The following SART3 variants were observed in gnomAD, a reference collection of about 807,000 sequenced individuals.
SART3 encodes the protein spliceosome associated factor 3, U4/U6 recycling protein.
SART3 carries 44 observed loss-of-function variants against 122.3 expected under a neutral mutation model. That is an observed-to-expected ratio of 0.36 (90% CI 0.28 to 0.46). The LOEUF (loss-of-function observed/expected upper bound fraction) is 0.46, where lower values mean the gene tolerates loss of function less well. Ranked by LOEUF, SART3 falls within the 20% of genes least tolerant of loss-of-function variation. The pLI, the probability that SART3 is intolerant of heterozygous loss-of-function variation, is 1.00. For synonymous variants in SART3, 442 were observed against 454.0 expected (o/e 0.97, Z 0.34); for missense variants, 1,101 against 1,229.0 (o/e 0.90, Z 1.56).
In SART3 at chr12:108,538,257, T is replaced by A. The variant is rs1873002276; in HGVS notation, c.1063-54A>T. On this transcript the variant is annotated intron_variant, in intron 7 of 18. Coordinates refer to ENST00000546815, the MANE Select transcript of SART3 (RefSeq NM_014706.4). ...ATTACACTTTATTAAGCATTCACCA[T>A]CAACAAGACATTGCCAGCACGACCA... The A allele has an allele frequency of 1.9e-6, 3 of 1,597,476 alleles. No homozygotes were observed. In the African/African-American group the frequency reaches 4.0e-5, roughly 21 times the overall value.
chr12:108,552,542 C>CA (rs202116633), intron 1 of SART3, among the ~76,000 whole-genome samples: 30,738 of 130,578 alleles, frequency 0.24, 3,689 homozygotes, highest in Admixed American at 0.37. Flanking sequence ...CATACAAAAA[C>CA]AAAAAAAAAA....
chr12:108,532,133 C>A, intron 13 of SART3, 89 bp downstream of exon 13: 1 of 1,125,840 alleles, frequency 8.9e-7, no homozygotes, highest in South Asian at 1.3e-5. Context: ...TAAACACAGT[C>A]TGTCCCCAGA....
intron 13 of SART3, chr12:108,531,856 G>A (rs910808151): frequency 2.1e-5 from 7 of 339,116 alleles, no homozygotes; most frequent in African/African-American, 1.5e-4. Context: ...CCCATCAAGA[G>A]ACATTTGGCA....
Position 108,560,965 on chromosome 12 carries a change from C to G in SART3, c.190G>C (p.Glu64Gln). 1.2e-6 allele frequency: 2 copies of G among 1,614,096 alleles called. No individual in the cohort carries two copies. The highest frequency in any genetic ancestry group is 2.7e-5 in the African/African-American group (2 of 75,058). ...AWDQQEEGVS[E>Q]SDGDEYAMAS... ...ATGGCGTACTCATCCCCATCGCTCT[C>G]GCTCACGCCTTCCTCCTGCTGATCC... Residue 64 changes from glutamate to glutamine, a missense_variant, in exon 1 of 19, where the codon GAG becomes CAG. Glu to Gln is a conservative substitution (Grantham distance 29). Coordinates refer to ENST00000546815, the MANE Select transcript of SART3 (RefSeq NM_014706.4).
At chr12:108,551,603 C>T (rs1456384621) in intron 1 of SART3, among the ~76,000 whole-genome samples, 4 of 151,986 alleles carry the variant, frequency 2.6e-5, no homozygotes, top group African/African-American at 4.8e-5. Flanking sequence ...ACGCCGTCAA[C>T]GAACATGACC....
intron 1 of SART3, among the ~76,000 whole-genome samples, chr12:108,556,997 G>A (rs1311122047): frequency 6.6e-6 from 1 of 152,158 alleles, no homozygotes; most frequent in Non-Finnish European, 1.5e-5. Context: ...TCAAGAAGCT[G>A]ACTTTTAAGG....
chr12:108,529,391 C>T (rs1031975311), intron 15 of SART3, among the ~76,000 whole-genome samples: 1 of 152,178 alleles, frequency 6.6e-6, no homozygotes, highest in Non-Finnish European at 1.5e-5. Flanking sequence ...CTTCTAAATA[C>T]CACTCATCAC....
rs754430158 is a variant in SART3 at position 108,543,002 on chromosome 12, T to C, written c.906+26A>G. The C allele has an allele frequency of 2.6e-5, 42 of 1,614,028 alleles. No individual in the cohort carries two copies. The Middle Eastern group carries it at 4.9e-4, about 19-fold the overall frequency. ...CAGGGAAAGGTTTGTAGAGAGACGT[T>C]TACTATAAAAGAAGCCAACACTTAC... On this transcript the variant is annotated intron_variant, in intron 6 of 18. Coordinates refer to ENST00000546815, the MANE Select transcript of SART3 (RefSeq NM_014706.4).
At chr12:108,559,500 T>C (rs1394020518) in intron 1 of SART3, among the ~76,000 whole-genome samples, 1 of 151,838 alleles carries the variant, frequency 6.6e-6, no homozygotes, top group Admixed American at 6.6e-5. Flanking sequence ...ACCCCGTCTC[T>C]ACTAAAAATA....
intron 1 of SART3, among the ~76,000 whole-genome samples, chr12:108,554,503 T>C (rs2030136174): frequency 6.6e-6 from 1 of 152,040 alleles, no homozygotes; most frequent in Non-Finnish European, 1.5e-5. Flanking sequence ...GAAAAAAACA[T>C]GATTACCTCA....
In SART3 at chr12:108,535,347, G is replaced by A. The variant is rs753917432; in HGVS notation, c.1556+12C>T. 3.0e-5 allele frequency: 48 copies of A among 1,608,286 alleles called. No individual in the cohort carries two copies. The Admixed American group carries it at 3.0e-4, about 10-fold the overall frequency. On this transcript the variant is annotated intron_variant, in intron 12 of 18. Transcript: ENST00000546815. Reference sequence around the variant, plus strand: ...CAAGCACTGCCTCCCTCCCCACCCCGAGATCAGTTACCTTTCCAGGTTGTA... The same window carrying A: ...CAAGCACTGCCTCCCTCCCCACCCCAAGATCAGTTACCTTTCCAGGTTGTA...
Position 108,543,133 on chromosome 12 carries a change from T to C in SART3, c.801A>G (p.Ala267=). The change falls in exon 6 of 19, where the codon GCA becomes GCG. Residue 267 remains alanine (A), a synonymous_variant. Transcript: ENST00000546815. ...GGTCTTCTGACCATTCTTCATACTC[T>C]GCAAATGTGGCCTCCATATCTATTG... ...IPLYDMEATF[A]EYEEWSEDPI... 1 of 1,614,238 alleles carries C rather than the reference T, an allele frequency of 6.2e-7. No homozygotes were observed. The highest frequency in any genetic ancestry group is 1.3e-5 in the African/African-American group (1 of 75,064).
intron 12 of SART3, 56 bp from the exon 13 acceptor site, chr12:108,532,390 A>G: frequency 6.9e-7 from 1 of 1,459,570 alleles, no homozygotes; most frequent in South Asian, 1.1e-5. Context: ...AAGGCACTCG[A>G]AGGGAGAGGC....
chr12:108,524,542 C>T (rs1380804144), intron 17 of SART3, 36 bp from the exon 18 acceptor site: 4 of 1,603,302 alleles, frequency 2.5e-6, no homozygotes, highest in African/African-American at 1.3e-5. Context: ...AGTCAGATCC[C>T]GCAGACTAGG....
Position 108,525,518 on chromosome 12 carries a change from C to G in SART3, c.2462G>C (p.Cys821Ser), listed in dbSNP as rs1218469260. The part of the protein sequence containing the change: ...SCTKEELEEI[C>S]KAHGTVKDLR... ...GTCCTTCACGGTGCCATGAGCCTTA[C>G]AGATTTCTTCTAGTTCCTCTTTAGT... Residue 821 changes from cysteine to serine, a missense_variant, in exon 17 of 19, where the codon TGT becomes TCT. Physicochemically the swap from Cys to Ser is moderately radical, Grantham distance 112 (BLOSUM62 -1). Transcript: ENST00000546815. 2 of 1,614,062 alleles carry G rather than the reference C, an allele frequency of 1.2e-6. No individual in the cohort carries two copies. The highest frequency in any genetic ancestry group is 1.7e-6 in the Non-Finnish European group (2 of 1,180,034).
chr12:108,537,090 C>T, intron 9 of SART3: 1 of 462,796 alleles, frequency 2.2e-6, no homozygotes, highest in South Asian at 2.1e-5. Flanking sequence ...GAGGTGACAG[C>T]TGACATGAGT....
At chr12:108,545,578 A>G (rs1873367232) in intron 3 of SART3, among the ~76,000 whole-genome samples, 1 of 152,240 alleles carries the variant, frequency 6.6e-6, no homozygotes, top group Admixed American at 6.5e-5. Context: ...TAACAGGATC[A>G]TCAGAAATCA....
chr12:108,538,204 C>G lies in SART3; in HGVS notation c.1063-1G>C. 1 of 1,614,118 alleles carries G rather than the reference C, an allele frequency of 6.2e-7. No individual in the cohort carries two copies. ...AATCCTTTACTTTCAGTTGTCGATCCTATGATAAAGAATTCCAGAGTTAGG... is the reference window on the plus strand; with the variant it reads ...AATCCTTTACTTTCAGTTGTCGATCGTATGATAAAGAATTCCAGAGTTAGG... On this transcript the variant is annotated splice_acceptor_variant, in intron 7 of 18. Transcript: ENST00000546815. LOFTEE classifies it high-confidence loss of function.
chr12:108,522,353 G>C lies in SART3; in HGVS notation c.*1104C>G, dbSNP rs1872166041. Among the ~76,000 whole-genome samples, 1 of 152,226 alleles carries C rather than the reference G, an allele frequency of 6.6e-6. No individual in the cohort carries two copies. Among genetic ancestry groups the C allele is most frequent in the South Asian group, 2.1e-4 (1 of 4,834 alleles). On this transcript the variant is annotated 3_prime_UTR_variant, in exon 19 of 19. Coordinates refer to ENST00000546815, the MANE Select transcript of SART3 (RefSeq NM_014706.4). ...TTACGCAACAGATAAATGAGGAGTT[G>C]ATTCCCACGACATATACAAGGATTC...
Sources: gnomAD v4.1 joint callset for allele counts (sites outside exome capture counted in the v4.1 genomes callset) on GRCh38, gnomAD v4.1.1 for gene constraint, MANE v1.5 for transcripts, NCBI Gene and HGNC (gene_info 2026-07-23, HGNC 2026-07-21) for gene names.